Variants in SPIDR observed in about 807,000 individuals in gnomAD.
SPIDR encodes DNA repair-scaffolding protein.
Under a neutral mutation model 104.6 loss-of-function variants are expected in SPIDR, and 93 were observed. That is an observed-to-expected ratio of 0.89 (90% confidence interval 0.75 to 1.06). SPIDR has a LOEUF of 1.06. Among genes scored for constraint, SPIDR ranks in the 50% least tolerant of loss-of-function variants. The pLI, the probability that SPIDR is intolerant of heterozygous loss-of-function variation, is 0.00. For synonymous variants in SPIDR, 431 were observed against 416.9 expected (o/e 1.03, Z -0.41); for missense variants, 1,154 against 1,111.2 (o/e 1.04, Z -0.55).
chr8:47,286,272 G>A (rs1253039436), intron 3 of SPIDR, among the ~76,000 whole-genome samples: 1 of 152,136 alleles, frequency 6.6e-6, no homozygotes, highest in Non-Finnish European at 1.5e-5. Flanking sequence ...GCCTGGGTGT[G>A]CGTCTCAGGC....
At chr8:47,655,733 G>T (rs908433983) in intron 10 of SPIDR, among the ~76,000 whole-genome samples, 3 of 152,174 alleles carry the variant, frequency 2.0e-5, no homozygotes, top group African/African-American at 7.2e-5. Context: ...AGTTTAATTA[G>T]ATCGCATTTG....
chr8:47,718,199 C>T (rs1405485494), intron 16 of SPIDR, among the ~76,000 whole-genome samples: 1 of 152,142 alleles, frequency 6.6e-6, no homozygotes, highest in Admixed American at 6.5e-5. Context: ...TACGTGCTTG[C>T]CTCCATGTGC....
chr8:47,569,880 A>T lies in SPIDR; in HGVS notation c.1098-25931A>T, dbSNP rs537813247. Among the ~76,000 whole-genome samples, 4 of 152,354 alleles carry T rather than the reference A, an allele frequency of 2.6e-5. No individual in the cohort carries two copies. In the East Asian group the frequency reaches 5.8e-4, roughly 22 times the overall value. On this transcript the variant is annotated intron_variant, in intron 8 of 19. Coordinates refer to ENST00000297423, the MANE Select transcript of SPIDR (RefSeq NM_001080394.4). ...CTGAAAATGAAATTAAACCAATTTT[A>T]TTTACAGTGGCACCAAAAGGAATAA...
intron 5 of SPIDR, among the ~76,000 whole-genome samples, chr8:47,323,935 C>T (rs1163155213): frequency 6.6e-6 from 1 of 152,084 alleles, no homozygotes; most frequent in Non-Finnish European, 1.5e-5. Flanking sequence ...AGAAATAATA[C>T]TGTAACTTTT....
chr8:47,472,579 A>G (rs1456099518), intron 8 of SPIDR, among the ~76,000 whole-genome samples: 1 of 152,234 alleles, frequency 6.6e-6, no homozygotes, highest in Non-Finnish European at 1.5e-5. Context: ...GAAGTCATAG[A>G]GGTGAGATGT....
At chr8:47,402,915 G>C (rs919842696) in intron 6 of SPIDR, among the ~76,000 whole-genome samples, 3 of 152,154 alleles carry the variant, frequency 2.0e-5, no homozygotes, top group Non-Finnish European at 4.4e-5. Context: ...GACAATTTTA[G>C]ACCAATATCT....
At chr8:47,492,879 A>G (rs1264848251) in intron 8 of SPIDR, among the ~76,000 whole-genome samples, 1 of 152,140 alleles carries the variant, frequency 6.6e-6, no homozygotes, top group Non-Finnish European at 1.5e-5. Flanking sequence ...AACTAACTCA[A>G]TATTCCTGGT....
intron 10 of SPIDR, chr8:47,661,066 C>T (rs2074034521): frequency 3.5e-6 from 2 of 575,544 alleles, no homozygotes; most frequent in South Asian, 1.5e-4. Flanking sequence ...CCTGCACCAC[C>T]GTCTTATAGT....
intron 8 of SPIDR, among the ~76,000 whole-genome samples, chr8:47,507,245 G>C (rs2081620238): frequency 6.6e-6 from 1 of 152,320 alleles, no homozygotes; most frequent in Middle Eastern, 3.4e-3. Flanking sequence ...ACTGCAAGCT[G>C]TCTTTCAGTT....
rs2038328701 is a variant in SPIDR at position 47,284,048 on chromosome 8, G to A, written c.210G>A (p.Lys70=). 1 of 1,611,720 alleles carries A rather than the reference G, an allele frequency of 6.2e-7. No individual in the cohort carries two copies. The highest frequency in any genetic ancestry group is 1.1e-5 in the South Asian group (1 of 90,852). ...SGNPSLTAEE[K]TITEKHLELC... ...TACAGTCATTAACAGCTGAAGAGAA[G>A]ACGATTACAGAAAAGCACCTTGAAT... Residue 70 remains lysine, a synonymous_variant, in exon 3 of 20, where the codon AAG becomes AAA. Coordinates refer to ENST00000297423, the MANE Select transcript of SPIDR (RefSeq NM_001080394.4).
chr8:47,644,477 G>T (rs2069888200), intron 10 of SPIDR, among the ~76,000 whole-genome samples: 1 of 152,178 alleles, frequency 6.6e-6, no homozygotes, highest in African/African-American at 2.4e-5. Flanking sequence ...TCCTCGTGTT[G>T]GGTTTAGGAA....
chr8:47,306,047 C>A (rs1409744177), intron 5 of SPIDR, among the ~76,000 whole-genome samples: 1 of 152,198 alleles, frequency 6.6e-6, no homozygotes, highest in East Asian at 1.9e-4. Flanking sequence ...ACTGTAATTA[C>A]CTCATATGAA....
In SPIDR at chr8:47,293,885, A is replaced by T. The variant is rs2040381162; in HGVS notation, c.380A>T (p.Asp127Val). The change falls in exon 5 of 20, where the codon GAC becomes GTC. Residue 127 changes from aspartate (D) to valine (V), a missense_variant. Asp to Val is a radical substitution (Grantham distance 152). Transcript: ENST00000297423. ...QLQRDELQFI[D>V]WEIDSDRAEA... ...TTTTTAGATGAATTACAGTTTATCGACTGGGAGATTGACAGTGACAGGGCA... is the reference window on the plus strand; with the variant it reads ...TTTTTAGATGAATTACAGTTTATCGTCTGGGAGATTGACAGTGACAGGGCA... The T allele has an allele frequency of 1.9e-6, 3 of 1,609,952 alleles. No individual in the cohort carries two copies. Among genetic ancestry groups the T allele is most frequent in the Non-Finnish European group, 2.5e-6 (3 of 1,178,208 alleles).
At chr8:47,511,925 A>G (rs1306084989) in intron 8 of SPIDR, 1 of 791,788 alleles carries the variant, frequency 1.3e-6, no homozygotes, top group Non-Finnish European at 2.3e-6. Context: ...TCTCTAAAGG[A>G]TGTCACTCTA....
intron 14 of SPIDR, among the ~76,000 whole-genome samples, chr8:47,705,758 G>A (rs1260284516): frequency 4.6e-5 from 7 of 152,096 alleles, no homozygotes; most frequent in Admixed American, 4.6e-4. Flanking sequence ...TTAAAAATTA[G>A]CCAGGCATGG....
rs569241526 is a variant in SPIDR at position 47,404,866 on chromosome 8, A to G, written c.777-2995A>G. Among the ~76,000 whole-genome samples, 6 of 152,312 alleles carry G rather than the reference A, an allele frequency of 3.9e-5. No individual in the cohort carries two copies. The South Asian group carries it at 1.2e-3, about 32-fold the overall frequency. ...TCCTATTACTGGATATATACCCAAA[A>G]GATTATAAATCATGCTGCTATAAAG... is the stretch of plus-strand genomic sequence containing the variant. On this transcript the variant is annotated intron_variant, in intron 6 of 19. Coordinates refer to ENST00000297423, the MANE Select transcript of SPIDR (RefSeq NM_001080394.4).
chr8:47,503,851 A>C (rs1350553696), intron 8 of SPIDR, among the ~76,000 whole-genome samples: 2 of 152,032 alleles, frequency 1.3e-5, no homozygotes, highest in African/African-American at 4.8e-5. Context: ...ATCTCTCAGC[A>C]TTTGTTTGTC....
intron 11 of SPIDR, among the ~76,000 whole-genome samples, chr8:47,682,316 G>A (rs905404426): frequency 6.6e-6 from 1 of 150,506 alleles, no homozygotes; most frequent in African/African-American, 2.4e-5. Flanking sequence ...CTCCCGTATT[G>A]TGAAATGTCC....
chr8:47,540,527 C>T (rs971719347), intron 8 of SPIDR, among the ~76,000 whole-genome samples: 12 of 152,102 alleles, frequency 7.9e-5, no homozygotes, highest in African/African-American at 2.4e-4. Flanking sequence ...CTCTTCTGCC[C>T]CTGTGGCCAG....
Sources: allele counts gnomAD v4.1 joint callset (sites outside exome capture counted in the v4.1 genomes callset), GRCh38; gene constraint gnomAD v4.1.1; transcripts MANE v1.5; gene names NCBI Gene and HGNC (gene_info 2026-07-23, HGNC 2026-07-21).